The following RASL10A variants were observed in gnomAD, a reference collection of about 807,000 sequenced individuals.
The protein encoded by RASL10A is RAS like family 10 member A, also known as ras-like protein family member 10A.
A neutral mutation model predicts 17.3 loss-of-function variants in RASL10A; 13 were observed. That is an observed-to-expected ratio of 0.75 (90% CI 0.49 to 1.20). RASL10A has a LOEUF of 1.20. Ranked by LOEUF, RASL10A falls within the 50% of genes most tolerant of loss-of-function variation. The pLI, the probability that RASL10A is intolerant of heterozygous loss-of-function variation, is 0.00. For missense variants in RASL10A, 307 were observed against 310.3 expected (o/e 0.99, Z 0.08); for synonymous variants, 159 against 142.2 (o/e 1.12, Z -0.84).
At chr22:29,319,141 C>G (rs886597687), upstream of RASL10A, among the ~76,000 whole-genome samples, 3 of 152,174 alleles carry the variant, frequency 2.0e-5, no homozygotes, top group Non-Finnish European at 4.4e-5. Flanking sequence ...CCATGTGTTT[C>G]TTCCCAACTG....
chr22:29,313,979 T>C lies in RASL10A; in HGVS notation c.228A>G (p.Pro76=). The change falls in exon 2 of 3, where the codon CCA becomes CCG. Residue 76 remains proline, a synonymous_variant. Coordinates refer to ENST00000216101, the MANE Select transcript of RASL10A (RefSeq NM_006477.5). ...CCTGCAAGCTCCAGTCCTTAGCGTCTGGCCACTCCTGGGGACAGGAGGCCA... is the reference window on the plus strand; with the variant it reads ...CCTGCAAGCTCCAGTCCTTAGCGTCCGGCCACTCCTGGGGACAGGAGGCCA... ...GSSPGGPEEW[P]DAKDWSLQDT... 6.2e-7 allele frequency: 1 copy of C among 1,613,444 alleles called. No individual in the cohort carries two copies. The highest frequency in any genetic ancestry group is 8.5e-7 in the Non-Finnish European group (1 of 1,180,022).
At position 29,313,405 on chromosome 22, in the gene RASL10A, G is replaced by A. The variant is rs1405924328; in HGVS notation, c.508C>T (p.Leu170Phe). The change falls in exon 3 of 3, where the codon CTC (leucine) becomes TTC (phenylalanine). Residue 170 changes from leucine (L) to phenylalanine (F), a missense_variant. By Grantham distance (22) the Leu-to-Phe change is conservative. Coordinates refer to ENST00000216101, the MANE Select transcript of RASL10A (RefSeq NM_006477.5). Reference protein sequence around the residue: ...SAKYNWHVLRLFRELLRCALV... With the variant: ...SAKYNWHVLRFFRELLRCALV... ...GCGCAGCGCAGCAGCTCGCGGAAGA[G>A]ACGCAGCACGTGCCAGTTGTACTTG... 1.3e-6 allele frequency: 2 copies of A among 1,542,154 alleles called. No homozygotes were observed. Among genetic ancestry groups the A allele is most frequent in the Admixed American group, 2.0e-5 (1 of 50,978 alleles).
At chr22:29,317,149 T>G (rs1394213496), upstream of RASL10A, 1 of 152,288 alleles carries the variant, frequency 6.6e-6, no homozygotes, top group Non-Finnish European at 1.5e-5. Flanking sequence ...TCTAGCTCAG[T>G]GAGTGGGGAC....
At chr22:29,314,316 T>C in intron 1 of RASL10A, 4 of 263,884 alleles carry the variant, frequency 1.5e-5, no homozygotes, top group South Asian at 1.3e-4. Context: ...TAAGACTAAT[T>C]CCAAAGCCCT....
At position 29,315,175 on chromosome 22, in the gene RASL10A, G is replaced by A. The variant is rs1009539769; in HGVS notation, c.72C>T (p.Phe24=). 1 of 1,541,092 alleles carries A rather than the reference G, an allele frequency of 6.5e-7. No individual in the cohort carries two copies. Among genetic ancestry groups the A allele is most frequent in the Admixed American group, 1.9e-5 (1 of 52,364 alleles). The change falls in exon 1 of 3, where the codon TTC becomes TTT. Residue 24 remains phenylalanine (F), a synonymous_variant. Coordinates refer to ENST00000216101, the MANE Select transcript of RASL10A (RefSeq NM_006477.5). The surrounding 1 kb of genome is among the most constrained non-coding windows in gnomAD (Gnocchi z 5.5). ...GVGKTAIIRQ[F]LFGDYPERHR... ...GGCGCTCGGGGTAGTCACCGAACAG[G>A]AACTGGCGGATGATGGCCGTCTTGC... is the stretch of plus-strand genomic sequence containing the variant.
intron 1 of RASL10A, 37 bp downstream of exon 1, chr22:29,314,991 A>T: frequency 7.0e-7 from 1 of 1,431,480 alleles, no homozygotes; most frequent in South Asian, 1.4e-5. Flanking sequence ...CACCCCTCAC[A>T]CTGTCACACG....
At position 29,313,854 on chromosome 22, in the gene RASL10A, G is replaced by C. The variant is rs771555419; in HGVS notation, c.344+9C>G. 16 of 1,612,876 alleles carry C rather than the reference G, an allele frequency of 9.9e-6. No individual in the cohort carries two copies. The highest frequency in any genetic ancestry group is 1.4e-5 in the Non-Finnish European group (16 of 1,180,022). Reference sequence around the variant, plus strand: ...TAGCTCCCCACCGCCAGAACTGCCGGGCCCCTACCTGGTCTCCGCGATGCG... The same window carrying C: ...TAGCTCCCCACCGCCAGAACTGCCGCGCCCCTACCTGGTCTCCGCGATGCG... On this transcript the variant is annotated intron_variant, in intron 2 of 2. Transcript: ENST00000216101.
intron 1 of RASL10A, among the ~76,000 whole-genome samples, chr22:29,314,814 C>G (rs1449926098): frequency 1.3e-5 from 2 of 152,232 alleles, no homozygotes; most frequent in Non-Finnish European, 2.9e-5. Flanking sequence ...CAAGGGAACG[C>G]CCCTGGGCAA....
At position 29,315,189 on chromosome 22, in the gene RASL10A, T is replaced by C; in HGVS notation, c.58A>G (p.Ile20Val). The C allele has an allele frequency of 6.5e-6, 10 of 1,539,116 alleles. No homozygotes were observed. Among genetic ancestry groups the C allele is most frequent in the Non-Finnish European group, 8.7e-6 (10 of 1,150,236 alleles). Residue 20 changes from isoleucine to valine, a missense_variant, in exon 1 of 3, where the codon ATC (isoleucine) becomes GTC (valine). Transcript: ENST00000216101. This position sits in a 1 kb window ranked among gnomAD's most constrained non-coding sequence, Gnocchi z 5.5. ...LGAPGVGKTA[I>V]IRQFLFGDYP... The stretch of plus-strand genomic sequence containing the variant: ...TCACCGAACAGGAACTGGCGGATGA[T>C]GGCCGTCTTGCCCACGCCCGGGGCG...
Position 29,313,065 on chromosome 22 carries a change from C to T in RASL10A, c.*236G>A. On this transcript the variant is annotated 3_prime_UTR_variant, in exon 3 of 3. Coordinates refer to ENST00000216101, the MANE Select transcript of RASL10A (RefSeq NM_006477.5). ...TCCTTTCCATCCAATGGGATTGTGACCCATTGAGGTCCCAGAAAGGACTGG... is the reference window on the plus strand; with the variant it reads ...TCCTTTCCATCCAATGGGATTGTGATCCATTGAGGTCCCAGAAAGGACTGG... 2.1e-6 allele frequency: 1 copy of T among 468,204 alleles called. No homozygotes were observed. The highest frequency in any genetic ancestry group is 3.7e-6 in the Non-Finnish European group (1 of 273,220). 29.0% of individuals were successfully genotyped at this position (468,204 alleles called of 1,614,324 possible). A position where few individuals can be genotyped will look rare whatever the true frequency, so the allele number is the denominator to read the frequency against.
rs2061428664 is a variant in RASL10A, at chr22:29,313,150, C to T, written c.*151G>A. ...CAATGAGGTTCAAAAGGGGGCCAGT[C>T]GCTTAGGAGACTGGGTTGGAGCTTT... On this transcript the variant is annotated 3_prime_UTR_variant, in exon 3 of 3. Coordinates refer to ENST00000216101, the MANE Select transcript of RASL10A (RefSeq NM_006477.5). 5 of 1,095,998 alleles carry T rather than the reference C, an allele frequency of 4.6e-6. No individual in the cohort carries two copies. In the East Asian group the frequency reaches 8.9e-5, roughly 20 times the overall value. The allele number at this position is 1,095,998 out of a possible 1,614,324, so 67.9% of individuals were successfully genotyped here.
Position 29,313,971 on chromosome 22 carries a change from T to G in RASL10A, c.236A>C (p.Lys79Thr). 1 of 1,613,650 alleles carries G rather than the reference T, an allele frequency of 6.2e-7. No homozygotes were observed. ...GTCCGTGTCCTGCAAGCTCCAGTCC[T>G]TAGCGTCTGGCCACTCCTGGGGACA... Reference protein sequence around the residue: ...PGGPEEWPDAKDWSLQDTDAF... With the variant: ...PGGPEEWPDATDWSLQDTDAF... The change falls in exon 2 of 3, where the codon AAG becomes ACG. Residue 79 changes from lysine (K) to threonine (T), a missense_variant. Lys to Thr is a moderately conservative substitution (Grantham distance 78). Transcript: ENST00000216101.
Position 29,315,634 on chromosome 22 carries a change from G to T in RASL10A, c.-388C>A, listed in dbSNP as rs1472576250. 2.0e-5 allele frequency: 3 copies of T among 153,830 alleles called. No individual in the cohort carries two copies. Among genetic ancestry groups the T allele is most frequent in the Non-Finnish European group, 4.3e-5 (3 of 69,270 alleles). The allele number at this position is 153,830 out of a possible 1,614,324, so 9.5% of individuals were successfully genotyped here. A position where few individuals can be genotyped will look rare whatever the true frequency, so the allele number is the denominator to read the frequency against. Reference sequence around the variant, plus strand: ...GGTCCCGCAGCGGTGCGGGGCGCGGGGGGCAGCGCTGCCTCCCGGAGCCTC... The same window carrying T: ...GGTCCCGCAGCGGTGCGGGGCGCGGTGGGCAGCGCTGCCTCCCGGAGCCTC... On this transcript the variant is annotated 5_prime_UTR_variant, in exon 1 of 3. Transcript: ENST00000216101. This position sits in a 1 kb window ranked among gnomAD's most constrained non-coding sequence, Gnocchi z 5.5.
At chr22:29,317,716 G>A (rs1026127632), upstream of RASL10A, among the ~76,000 whole-genome samples, 5 of 151,448 alleles carry the variant, frequency 3.3e-5, no homozygotes, top group Admixed American at 6.6e-5. Flanking sequence ...ATGGAGTCTC[G>A]GTCTGTCACC....
rs769431239 is a variant in RASL10A, at chr22:29,313,151, G to T, written c.*150C>A. ...AATGAGGTTCAAAAGGGGGCCAGTC[G>T]CTTAGGAGACTGGGTTGGAGCTTTC... On this transcript the variant is annotated 3_prime_UTR_variant, in exon 3 of 3. Coordinates refer to ENST00000216101, the MANE Select transcript of RASL10A (RefSeq NM_006477.5). 1 of 1,095,380 alleles carries T rather than the reference G, an allele frequency of 9.1e-7. No individual in the cohort carries two copies. Among genetic ancestry groups the T allele is most frequent in the Non-Finnish European group, 1.2e-6 (1 of 817,090 alleles). The allele number at this position is 1,095,380 out of a possible 1,614,324, so 67.9% of individuals were successfully genotyped here.
chr22:29,315,531 C>T lies in RASL10A; in HGVS notation c.-285G>A. ...GAGCAGAGCCGGAGCGGCGCTCAGA[C>T]ACCGCCTCCGCCCCGCAGCGCCAAC... is the stretch of plus-strand genomic sequence containing the variant. On this transcript the variant is annotated 5_prime_UTR_variant, in exon 1 of 3. Coordinates refer to ENST00000216101, the MANE Select transcript of RASL10A (RefSeq NM_006477.5). The surrounding 1 kb of genome is among the most constrained non-coding windows in gnomAD (Gnocchi z 5.5). The T allele has an allele frequency of 5.0e-6, 1 of 200,038 alleles. No homozygotes were observed. The highest frequency in any genetic ancestry group is 1.0e-5 in the Non-Finnish European group (1 of 100,248). 12.4% of individuals were successfully genotyped at this position (200,038 alleles called of 1,614,324 possible).
chr22:29,314,161 C>G, intron 1 of RASL10A, 174 bp from the exon 2 acceptor site: 1 of 802,920 alleles, frequency 1.2e-6, no homozygotes, highest in Non-Finnish European at 1.9e-6. Flanking sequence ...GTAAAATTTT[C>G]CAAATCGTGC....
Position 29,313,234 on chromosome 22 carries a change from G to A in RASL10A, c.*67C>T, listed in dbSNP as rs2061429365. The A allele has an allele frequency of 7.0e-7, 1 of 1,433,426 alleles. No homozygotes were observed. The highest frequency in any genetic ancestry group is 9.2e-7 in the Non-Finnish European group (1 of 1,089,478). The allele number at this position is 1,433,426 out of a possible 1,614,324, so 88.8% of individuals were successfully genotyped here. ...AGTCCCAGTGAAGTTGGGCGATCCCGTCCAATCCAGGTCCCTGATTGTCCC... is the reference window on the plus strand; with the variant it reads ...AGTCCCAGTGAAGTTGGGCGATCCCATCCAATCCAGGTCCCTGATTGTCCC... On this transcript the variant is annotated 3_prime_UTR_variant, in exon 3 of 3. Transcript: ENST00000216101.
upstream of RASL10A, among the ~76,000 whole-genome samples, chr22:29,317,675 C>T (rs1363624880): frequency 1.3e-5 from 2 of 152,058 alleles, no homozygotes; most frequent in East Asian, 3.9e-4. Flanking sequence ...AAAGCTGACA[C>T]CAGGACGGTC....
Sources: gnomAD v4.1 joint callset for allele counts (sites outside exome capture counted in the v4.1 genomes callset) on GRCh38, gnomAD v4.1.1 for gene constraint, Gnocchi (gnomAD v3.1) non-coding constraint, MANE v1.5 for transcripts, NCBI Gene and HGNC (gene_info 2026-07-23, HGNC 2026-07-21) for gene names.